Variants in DTNBP1 observed in about 807,000 individuals in gnomAD.
DTNBP1 encodes the protein dystrobrevin binding protein 1, also known as dysbindin.
A neutral mutation model predicts 42.8 loss-of-function variants in DTNBP1; 35 were observed. The ratio of observed to expected loss-of-function variants is 0.82; its 90% CI spans 0.63 to 1.09. DTNBP1 has a LOEUF of 1.09. DTNBP1 is among the 50% of genes least tolerant of loss of function. DTNBP1 has a pLI of 0.00. For synonymous variants in DTNBP1, 171 were observed against 162.2 expected (o/e 1.05, Z -0.41); for missense variants, 457 against 424.2 (o/e 1.08, Z -0.68).
intron 1 of DTNBP1, 51 bp downstream of exon 1, chr6:15,662,763 G>C: frequency 1.2e-6 from 2 of 1,609,454 alleles, no homozygotes; most frequent in South Asian, 1.1e-5. Context: ...GGCATCCCAG[G>C]CGGCGGCCCG....
intron 7 of DTNBP1, among the ~76,000 whole-genome samples, chr6:15,547,497 T>C (rs923297626): frequency 6.6e-6 from 1 of 152,174 alleles, no homozygotes; most frequent in African/African-American, 2.4e-5. Context: ...ATTTATACAA[T>C]GGGAAACAGA....
chr6:15,615,093 C>G, intron 6 of DTNBP1, 174 bp downstream of exon 6: 1 of 935,544 alleles, frequency 1.1e-6, no homozygotes. Context: ...TAACTCATCT[C>G]CAAAAGATGG....
intron 6 of DTNBP1, among the ~76,000 whole-genome samples, chr6:15,604,113 CTCACT>C (rs1179626554): frequency 1.3e-5 from 2 of 152,222 alleles, no homozygotes; most frequent in African/African-American, 2.4e-5. Context: ...CAGGGCTCAC[CTCACT>C]TGTTTCCTAT....
At position 15,562,504 on chromosome 6, in the gene DTNBP1, A is replaced by C. The variant is rs956576493; in HGVS notation, c.512-29109T>G. ...AAGACACTTCTCACCATTAGCTTAGAAATCCCAAATGGATGTATGGATAAG... is the reference window on the plus strand; with the variant it reads ...AAGACACTTCTCACCATTAGCTTAGCAATCCCAAATGGATGTATGGATAAG... On this transcript the variant is annotated intron_variant, in intron 7 of 9. Transcript: ENST00000344537. 3.3e-5 allele frequency among the ~76,000 whole-genome samples: 5 copies of C among 152,378 alleles called. No individual in the cohort carries two copies. The East Asian group carries it at 9.6e-4, about 29-fold the overall frequency.
At chr6:15,548,759 C>A (rs1488506138) in intron 7 of DTNBP1, among the ~76,000 whole-genome samples, 1 of 151,912 alleles carries the variant, frequency 6.6e-6, no homozygotes, top group Non-Finnish European at 1.5e-5. Context: ...AAAAAGAAGG[C>A]AGTTAATATG....
intron 7 of DTNBP1, among the ~76,000 whole-genome samples, chr6:15,577,845 G>T (rs1211522349): frequency 6.6e-6 from 1 of 152,206 alleles, no homozygotes; most frequent in Non-Finnish European, 1.5e-5. Flanking sequence ...AACATCTCCG[G>T]TGGGAAGGTA....
At chr6:15,551,559 C>G (rs570801003) in intron 7 of DTNBP1, among the ~76,000 whole-genome samples, 3 of 152,178 alleles carry the variant, frequency 2.0e-5, no homozygotes, top group Non-Finnish European at 4.4e-5. Flanking sequence ...CCAACTTCCA[C>G]TCACCCTCCA....
In DTNBP1 at chr6:15,647,767, T is replaced by TA. The variant is rs574265648; in HGVS notation, c.161+3545dup. Among the ~76,000 whole-genome samples, 317 of 151,842 alleles carry TA rather than the reference T, an allele frequency of 2.1e-3. 1 individual carries two copies. The highest frequency in any genetic ancestry group is 3.9e-3 in the Non-Finnish European group (261 of 67,762). ...AAGAAATGGGAAACTGAATCAGTAATAAAAAACCTCAAGATGAAATACCCT... is the reference window on the plus strand; with the variant it reads ...AAGAAATGGGAAACTGAATCAGTAATAAAAAAACCTCAAGATGAAATACCCT... On this transcript the variant is annotated intron_variant, in intron 3 of 9. Transcript: ENST00000344537.
At chr6:15,532,813 C>T (rs376980068) in intron 8 of DTNBP1, among the ~76,000 whole-genome samples, 6 of 146,522 alleles carry the variant, frequency 4.1e-5, no homozygotes, top group African/African-American at 1.5e-4. Context: ...GATTCCCGTG[C>T]TTCAGCCTCC....
intron 7 of DTNBP1, among the ~76,000 whole-genome samples, chr6:15,578,256 GC>G (rs1472614325): frequency 1.3e-5 from 2 of 152,222 alleles, no homozygotes; most frequent in Non-Finnish European, 2.9e-5. Context: ...TCTTCTGACT[GC>G]TTCCAGTTCC....
intron 7 of DTNBP1, among the ~76,000 whole-genome samples, chr6:15,540,828 G>A (rs1202221314): frequency 6.6e-6 from 1 of 152,116 alleles, no homozygotes; most frequent in Non-Finnish European, 1.5e-5. Context: ...ATTTTTAGTA[G>A]AGACAGGGTT....
At chr6:15,627,574 T>C (rs530832716) in intron 4 of DTNBP1, 99 bp from the exon 5 acceptor site, 3 of 1,517,770 alleles carry the variant, frequency 2.0e-6, no homozygotes, top group East Asian at 2.3e-5. Flanking sequence ...TAACAACCCC[T>C]CTACTCAGTA....
chr6:15,524,456 C>A lies in DTNBP1; in HGVS notation c.811+70G>T, dbSNP rs141441189. 59 of 1,613,898 alleles carry A rather than the reference C, an allele frequency of 3.7e-5. No homozygotes were observed. The highest frequency in any genetic ancestry group is 4.4e-5 in the Non-Finnish European group (52 of 1,179,898). ...GTAAGTGACTGGCAGATGGTTCTCA[C>A]GTCTCACCTTTGGAGGGGAGTGGCA... On this transcript the variant is annotated intron_variant, in intron 9 of 9. Coordinates refer to ENST00000344537, the MANE Select transcript of DTNBP1 (RefSeq NM_032122.5).
chr6:15,614,987 C>A, intron 6 of DTNBP1: 1 of 508,780 alleles, frequency 2.0e-6, no homozygotes, highest in Admixed American at 2.8e-5. Context: ...AGAAAACTAG[C>A]TCAGGGCTCC....
intron 6 of DTNBP1, among the ~76,000 whole-genome samples, chr6:15,601,486 T>C (rs1776725171): frequency 6.6e-6 from 1 of 152,208 alleles, no homozygotes; most frequent in Non-Finnish European, 1.5e-5. Flanking sequence ...AATTCTCAAA[T>C]CTACCTGAAT....
intron 7 of DTNBP1, among the ~76,000 whole-genome samples, chr6:15,583,198 G>C (rs1775915362): frequency 6.6e-6 from 1 of 152,046 alleles, no homozygotes; most frequent in Non-Finnish European, 1.5e-5. Flanking sequence ...CCCTGGGCTG[G>C]TGTCAAACTC....
At position 15,593,092 on chromosome 6, in the gene DTNBP1, A is replaced by AAC; in HGVS notation, c.489-12_489-11insGT. ...GTTTCAAGTTCCTTCCTGTAGGAAAAAAAAAAAAAAGACAAGACAATGCAA... is the reference window on the plus strand; with the variant it reads ...GTTTCAAGTTCCTTCCTGTAGGAAAAACAAAAAAAAAAGACAAGACAATGCAA... On this transcript the variant is annotated splice_polypyrimidine_tract_variant and intron_variant, in intron 6 of 9. Transcript: ENST00000344537. 1 of 1,547,196 alleles carries AAC rather than the reference A, an allele frequency of 6.5e-7. No individual in the cohort carries two copies. Among genetic ancestry groups the AAC allele is most frequent in the Non-Finnish European group, 8.8e-7 (1 of 1,141,358 alleles).
At position 15,540,512 on chromosome 6, in the gene DTNBP1, A is replaced by C. The variant is rs75778460; in HGVS notation, c.512-7117T>G. ...TTTTTCTCAAGACTACTTCTGCTTT[A>C]AAAGTTTGATTCTCTCGTGTTGCTG... On this transcript the variant is annotated intron_variant, in intron 7 of 9. Transcript: ENST00000344537. Among the ~76,000 whole-genome samples, 1,302 of 152,380 alleles carry C rather than the reference A, an allele frequency of 8.5e-3. 26 individuals carry two copies. Among genetic ancestry groups the C allele is most frequent in the African/African-American group, 0.03 (1,230 of 41,590 alleles).
intron 8 of DTNBP1, among the ~76,000 whole-genome samples, chr6:15,526,850 GA>G (rs1235414017): frequency 2.0e-5 from 3 of 152,208 alleles, no homozygotes; most frequent in Admixed American, 6.5e-5. Context: ...AGAAGCATAA[GA>G]AAAGCTTTCA....
Sources: allele counts gnomAD v4.1 joint callset (sites outside exome capture counted in the v4.1 genomes callset), GRCh38; gene constraint gnomAD v4.1.1; transcripts MANE v1.5; gene names NCBI Gene and HGNC (gene_info 2026-07-23, HGNC 2026-07-21).